The following LEPR variants were observed in gnomAD, a reference collection of about 807,000 sequenced individuals.
LEPR encodes leptin receptor, also known as OB receptor.
Under a neutral mutation model 114.7 loss-of-function variants are expected in LEPR, and 56 were observed. That is an observed-to-expected ratio of 0.49 (90% CI 0.39 to 0.61). The LOEUF (loss-of-function observed/expected upper bound fraction) is 0.61. Among genes scored for constraint, LEPR ranks in the 20% least tolerant of loss-of-function variants. The pLI is 0.00. For synonymous variants in LEPR, 443 were observed against 461.4 expected (o/e 0.96, Z 0.51); for missense variants, 1,202 against 1,352.9 (o/e 0.89, Z 1.75).
At chr1:65,572,532 C>T in intron 5 of LEPR, 83 bp downstream of exon 5, 1 of 1,297,092 alleles carries the variant, frequency 7.7e-7, no homozygotes, top group Non-Finnish European at 1.1e-6. Flanking sequence ...GATTATAAAC[C>T]TCTTGCATCC....
chr1:65,589,189 A>G (rs1391645999), intron 5 of LEPR, among the ~76,000 whole-genome samples: 1 of 152,046 alleles, frequency 6.6e-6, no homozygotes, highest in African/African-American at 2.4e-5. Flanking sequence ...GCATCCTTTC[A>G]TATGCTTATT....
intron 2 of LEPR, among the ~76,000 whole-genome samples, chr1:65,455,355 T>C (rs6670973): frequency 0.69 from 105,412 of 151,860 alleles, 38,001 homozygotes; most frequent in African/African-American, 0.84. Context: ...GGAGGAGAGG[T>C]GCTCTGCTGT....
intron 2 of LEPR, among the ~76,000 whole-genome samples, chr1:65,515,572 T>C (rs1649244500): frequency 6.6e-6 from 1 of 152,230 alleles, no homozygotes; most frequent in Non-Finnish European, 1.5e-5. Flanking sequence ...CATAAGGATA[T>C]CCTGAAGTAT....
chr1:65,526,949 A>G (rs1385532817), intron 2 of LEPR, among the ~76,000 whole-genome samples: 1 of 152,224 alleles, frequency 6.6e-6, no homozygotes, highest in African/African-American at 2.4e-5. Context: ...TTCCCACCAA[A>G]AGGTATAGAG....
chr1:65,447,786 T>A (rs1164515848), intron 2 of LEPR, among the ~76,000 whole-genome samples: 4 of 152,120 alleles, frequency 2.6e-5, no homozygotes, highest in Non-Finnish European at 5.9e-5. Context: ...GTGATTTCAT[T>A]CACCTCAGCC....
chr1:65,443,123 G>T (rs543404854), intron 2 of LEPR, among the ~76,000 whole-genome samples: 19 of 152,290 alleles, frequency 1.2e-4, no homozygotes, highest in Middle Eastern at 3.4e-3. Context: ...ATTATTATTT[G>T]CATTCTATGC....
At chr1:65,629,363 TTGTC>T (rs1444095729) in intron 19 of LEPR, 3 of 446,534 alleles carry the variant, frequency 6.7e-6, no homozygotes, top group African/African-American at 2.0e-5. Flanking sequence ...GTGTTGTAAT[TTGTC>T]TGTGGTTTAT....
intron 12 of LEPR, among the ~76,000 whole-genome samples, chr1:65,609,124 T>C (rs1282248731): frequency 6.6e-6 from 1 of 152,222 alleles, no homozygotes; most frequent in Non-Finnish European, 1.5e-5. Context: ...GTTGGTTGCA[T>C]ATTATGTTCC....
chr1:65,444,978 C>T (rs1264607789), intron 2 of LEPR, among the ~76,000 whole-genome samples: 4 of 152,156 alleles, frequency 2.6e-5, no homozygotes, highest in African/African-American at 4.8e-5. Context: ...AGTTTTTTGA[C>T]TTCAAGGGCA....
intron 11 of LEPR, among the ~76,000 whole-genome samples, chr1:65,605,552 A>G (rs892832375): frequency 6.6e-6 from 1 of 152,126 alleles, no homozygotes; most frequent in Admixed American, 6.5e-5. Context: ...TTTTGTTCCA[A>G]TGTAGTTATG....
chr1:65,473,667 C>T (rs774662411), intron 2 of LEPR, among the ~76,000 whole-genome samples: 1 of 152,184 alleles, frequency 6.6e-6, no homozygotes, highest in Non-Finnish European at 1.5e-5. Flanking sequence ...TTATCAGTTT[C>T]TCACTTACAA....
chr1:65,520,421 G>A (rs1206010971), intron 2 of LEPR, among the ~76,000 whole-genome samples: 1 of 152,092 alleles, frequency 6.6e-6, no homozygotes, highest in Non-Finnish European at 1.5e-5. Flanking sequence ...ATTGACTTCA[G>A]AAACAAAAGA....
Position 65,616,290 on chromosome 1 carries a change from AT to A in LEPR, c.2212+70del, listed in dbSNP as rs556551581. 2.3e-4 allele frequency: 345 copies of A among 1,494,166 alleles called. 2 individuals are homozygous for A. In the African/African-American group the frequency reaches 4.4e-3, roughly 19 times the overall value. 92.6% of individuals were successfully genotyped at this position (1,494,166 alleles called of 1,614,324 possible). ...ATATTTAACTTTTGCAAACTCTCCT[AT>A]TTTAAATTATCTTTCAAGCAGCCTG... On this transcript the variant is annotated intron_variant, in intron 15 of 19. Transcript: ENST00000349533.
chr1:65,636,554 T>C lies in LEPR; in HGVS notation c.3037T>C (p.Phe1013Leu). ...TATAAATAGTTCAGTCACCAAGTGC[T>C]TCTCTAGCAAAAATTCTCCGTTGAA... ...GLINSSVTKC[F>L]SSKNSPLKDS... Residue 1013 changes from phenylalanine to leucine, a missense_variant, in exon 20 of 20, where the codon TTC becomes CTC. Coordinates refer to ENST00000349533, the MANE Select transcript of LEPR (RefSeq NM_002303.6). The C allele has an allele frequency of 6.2e-7, 1 of 1,614,092 alleles. No homozygotes were observed. Among genetic ancestry groups the C allele is most frequent in the Non-Finnish European group, 8.5e-7 (1 of 1,179,992 alleles).
chr1:65,634,287 C>T (rs1019104781), intron 19 of LEPR: 1 of 982,182 alleles, frequency 1.0e-6, no homozygotes, highest in African/African-American at 1.8e-5. Context: ...TAGAAAAGAA[C>T]TCTACAAAAA....
At position 65,436,058 on chromosome 1, in the gene LEPR, C is replaced by T. The variant is rs1016807250; in HGVS notation, c.-21+10680C>T. 9.6e-5 allele frequency: 95 copies of T among 984,502 alleles called. No homozygotes were observed. The African/African-American group carries it at 1.4e-3, about 15-fold the overall frequency. 61.0% of individuals were successfully genotyped at this position (984,502 alleles called of 1,614,324 possible). On this transcript the variant is annotated intron_variant, in intron 2 of 19. Transcript: ENST00000349533. Reference sequence around the variant, plus strand: ...ATGAAAAAGTTTATATTTTACTTTGCGGTACGTTACATTTGGAAAGGAGAT... The same window carrying T: ...ATGAAAAAGTTTATATTTTACTTTGTGGTACGTTACATTTGGAAAGGAGAT...
chr1:65,583,708 A>T (rs549658767), intron 5 of LEPR, among the ~76,000 whole-genome samples: 41 of 152,262 alleles, frequency 2.7e-4, no homozygotes, highest in Admixed American at 2.3e-3. Flanking sequence ...GGCAGCCAGT[A>T]AACACATGCT....
At chr1:65,433,551 G>A (rs1345405053) in intron 2 of LEPR, 2 of 985,310 alleles carry the variant, frequency 2.0e-6, no homozygotes, top group African/African-American at 3.5e-5. Context: ...CTTGTGATCT[G>A]AGTAATTAGC....
In LEPR at chr1:65,465,257, C is replaced by T. The variant is rs141078964; in HGVS notation, c.-21+39879C>T. Among the ~76,000 whole-genome samples the T allele has an allele frequency of 5.0e-3, 763 of 152,234 alleles. 8 individuals carry two copies. Among genetic ancestry groups the T allele is most frequent in the African/African-American group, 0.018 (735 of 41,544 alleles). ...TCTCACTGGTTTCAAAGAACATCTTCATTTCTGCCTTTATTTTGTAATTTA... is the reference window on the plus strand; with the variant it reads ...TCTCACTGGTTTCAAAGAACATCTTTATTTCTGCCTTTATTTTGTAATTTA... On this transcript the variant is annotated intron_variant, in intron 2 of 19. Transcript: ENST00000349533.
Sources: allele counts gnomAD v4.1 joint callset (sites outside exome capture counted in the v4.1 genomes callset), GRCh38; gene constraint gnomAD v4.1.1; transcripts MANE v1.5; gene names NCBI Gene and HGNC (gene_info 2026-07-23, HGNC 2026-07-21).